The following NEB variants were observed in gnomAD, a reference collection of about 807,000 sequenced individuals.
NEB encodes nemaline myopathy type 2.
A neutral mutation model predicts 952.2 loss-of-function variants in NEB; 512 were observed. The ratio of observed to expected loss-of-function variants is 0.54; its 90% CI spans 0.50 to 0.58. NEB has a LOEUF of 0.58. Ranked by LOEUF, NEB falls within the 20% of genes least tolerant of loss-of-function variation. The probability of loss-of-function intolerance (pLI) is 0.00; values close to 1 mark genes in which losing one functional copy is unlikely to be tolerated. For missense variants in NEB, 8,428 were observed against 9,231.1 expected, an observed-to-expected ratio of 0.91 and a Z score of 3.56; for synonymous variants, 2,900 against 3,149.8, an observed-to-expected ratio of 0.92 and a Z score of 2.66.
chr2:151,655,893 C>A lies in NEB; in HGVS notation c.6626G>T (p.Ser2209Ile). ...AGTCAGCTTCTTAAACTGGAAGTTG[C>A]TCGGGTGCTGGCGGTATTTCTGATC... ...ASDQKYRQHP[S>I]NFQFKKLTDS... The change falls in exon 50 of 182, where the codon AGC (serine) becomes ATC (isoleucine). Residue 2209 changes from serine to isoleucine, a missense_variant. Coordinates refer to ENST00000397345, the MANE Select transcript of NEB (RefSeq NM_001164508.2). 6.2e-7 allele frequency: 1 copy of A among 1,613,806 alleles called. No homozygotes were observed. The highest frequency in any genetic ancestry group is 8.5e-7 in the Non-Finnish European group (1 of 1,179,796).
chr2:151,540,243 G>T, intron 138 of NEB, 101 bp downstream of exon 138: 1 of 637,046 alleles, frequency 1.6e-6, no homozygotes, highest in Non-Finnish European at 2.5e-6. Flanking sequence ...CCTAGGCCAT[G>T]GTTTAGAACT....
intron 65 of NEB, among the ~76,000 whole-genome samples, chr2:151,632,805 G>A (rs1021174626): frequency 6.6e-6 from 1 of 152,080 alleles, no homozygotes; most frequent in Non-Finnish European, 1.5e-5. Flanking sequence ...CAGAGAAGGT[G>A]CCCAACAAAT....
intron 46 of NEB, among the ~76,000 whole-genome samples, chr2:151,660,997 T>C (rs1055406969): frequency 6.6e-6 from 1 of 152,174 alleles, no homozygotes; most frequent in African/African-American, 2.4e-5. Context: ...TATTGGACAG[T>C]GAAATGCTAG....
At position 151,547,728 on chromosome 2, in the gene NEB, C is replaced by T. The variant is rs761519707; in HGVS notation, c.20168G>A (p.Arg6723Gln). The change falls in exon 132 of 182, where the codon CGG becomes CAG. Residue 6723 changes from arginine to glutamine, a missense_variant. Around this residue, in one of 11 missense-constraint regions of NEB, gnomAD observed 3,374 missense variants for 3,651.5 expected, o/e 0.92. Coordinates refer to ENST00000397345, the MANE Select transcript of NEB (RefSeq NM_001164508.2). ...VNNVTSERLY[R>Q]ELYHKLKDKI... The stretch of plus-strand genomic sequence containing the variant: ...GTCTTTCAGTTTGTGGTACAATTCC[C>T]GATACAGTCTCTACGTTGGAGGAAA... The T allele has an allele frequency of 8.7e-6, 14 of 1,612,392 alleles. No homozygotes were observed. The highest frequency in any genetic ancestry group is 3.3e-5 in the Admixed American group (2 of 59,938).
In NEB at chr2:151,524,597, G is replaced by A. The variant is rs749861183; in HGVS notation, c.22292C>T (p.Ala7431Val). 1 of 1,592,722 alleles carries A rather than the reference G, an allele frequency of 6.3e-7. No individual in the cohort carries two copies. The highest frequency in any genetic ancestry group is 1.1e-5 in the South Asian group (1 of 90,742). The change falls in exon 152 of 182, where the codon GCC (alanine) becomes GTC (valine). Residue 7431 changes from alanine (A) to valine (V), a missense_variant. Ala to Val is a moderately conservative substitution (Grantham distance 64, BLOSUM62 0). Transcript: ENST00000397345. ...KQSDVAYRKD[A>V]KENLHYTTVA... ...TGTGGTGTAATGCAGGTTCTCTTTG[G>A]CATCTTTTCTGTAAGCGACCTTTAT... is the stretch of plus-strand genomic sequence containing the variant.
In NEB at chr2:151,486,146, G is replaced by A. The variant is rs534886159; in HGVS notation, c.25405-213C>T. 52 of 521,884 alleles carry A rather than the reference G, an allele frequency of 1.0e-4. No individual in the cohort carries two copies. The South Asian group carries it at 1.2e-3, about 12-fold the overall frequency. The allele number at this position is 521,884 out of a possible 1,614,324, so 32.3% of individuals were successfully genotyped here. A position where few individuals can be genotyped will look rare whatever the true frequency, so the allele number is the denominator to read the frequency against. On this transcript the variant is annotated intron_variant, in intron 181 of 181. Coordinates refer to ENST00000397345, the MANE Select transcript of NEB (RefSeq NM_001164508.2). ...GCAATTAATATCCAGAACATATGAC[G>A]AACTCCTACAACTCAATGCCTTCCC...
At chr2:151,662,658 G>A (rs2099161363) in intron 45 of NEB, among the ~76,000 whole-genome samples, 1 of 152,158 alleles carries the variant, frequency 6.6e-6, no homozygotes, top group South Asian at 2.1e-4. Flanking sequence ...TCTCCCAGGT[G>A]ACTGTTATCT....
intron 1 of NEB, among the ~76,000 whole-genome samples, chr2:151,734,151 A>G (rs2099815865): frequency 6.6e-6 from 1 of 152,166 alleles, no homozygotes; most frequent in South Asian, 2.1e-4. Flanking sequence ...AAGGCAAAAA[A>G]ATGTTAGACA....
At chr2:151,609,246 C>A (rs1453340625) in intron 81 of NEB, among the ~76,000 whole-genome samples, 1 of 151,604 alleles carries the variant, frequency 6.6e-6, no homozygotes, top group Non-Finnish European at 1.5e-5. Context: ...ACATACAAAT[C>A]CTTAGCTGAA....
chr2:151,706,794 T>A lies in NEB; in HGVS notation c.1152+87A>T, dbSNP rs1180715021. On this transcript the variant is annotated intron_variant, in intron 13 of 181. Coordinates refer to ENST00000397345, the MANE Select transcript of NEB (RefSeq NM_001164508.2). ...CCATAACCTTAATGTATTTGCAAAG[T>A]TATATATTCATTTAGTCATTAAAGG... is the stretch of plus-strand genomic sequence containing the variant. 1.5e-5 allele frequency: 14 copies of A among 928,004 alleles called. No individual in the cohort carries two copies. The East Asian group carries it at 2.9e-4, about 19-fold the overall frequency. 57.5% of individuals were successfully genotyped at this position (928,004 alleles called of 1,614,324 possible). A position where few individuals can be genotyped will look rare whatever the true frequency, so the allele number is the denominator to read the frequency against.
At chr2:151,527,404 G>A (rs1004021676) in intron 147 of NEB, 77 bp downstream of exon 147, 4 of 1,127,766 alleles carry the variant, frequency 3.5e-6, no homozygotes, top group African/African-American at 3.1e-5. Flanking sequence ...CATGATAGTG[G>A]TTATTATAAA....
intron 124 of NEB, among the ~76,000 whole-genome samples, chr2:151,559,539 C>G (rs2095881468): frequency 6.6e-6 from 1 of 152,174 alleles, no homozygotes; most frequent in Non-Finnish European, 1.5e-5. Flanking sequence ...TTGGAACCAA[C>G]CCAAATGCCC....
At chr2:151,499,431 T>A in intron 168 of NEB, 41 bp from the exon 169 acceptor site, 2 of 1,115,406 alleles carry the variant, frequency 1.8e-6, no homozygotes, top group Non-Finnish European at 2.6e-6. Context: ...ACAAGAGCAG[T>A]CAAAACAGCC....
chr2:151,625,517 A>G lies in NEB; in HGVS notation c.10452+17T>C, dbSNP rs1292869717. ...ATCAATGTGGCCAGACCAAAGAAATAAAACAAATGATCTTACCTCACTATA... is the reference window on the plus strand; with the variant it reads ...ATCAATGTGGCCAGACCAAAGAAATGAAACAAATGATCTTACCTCACTATA... On this transcript the variant is annotated intron_variant, in intron 71 of 181. Transcript: ENST00000397345. 33 of 1,543,482 alleles carry G rather than the reference A, an allele frequency of 2.1e-5. No homozygotes were observed. The highest frequency in any genetic ancestry group is 2.8e-5 in the Non-Finnish European group (31 of 1,126,006).
chr2:151,684,631 G>T, intron 28 of NEB, 147 bp downstream of exon 28: 1 of 641,708 alleles, frequency 1.6e-6, no homozygotes, highest in Non-Finnish European at 2.4e-6. Flanking sequence ...TGAAGGGCAT[G>T]CTCTTATAGA....
intron 141 of NEB, 112 bp from the exon 142 acceptor site, chr2:151,535,907 A>C (rs1440035192): frequency 9.6e-6 from 6 of 627,096 alleles, no homozygotes; most frequent in Non-Finnish European, 1.6e-5. Context: ...GAACTAACAC[A>C]TATTCGTTTG....
intron 130 of NEB, 39 bp from the exon 131 acceptor site, chr2:151,548,454 AAC>A (rs752396426): frequency 7.9e-7 from 1 of 1,259,870 alleles, no homozygotes; most frequent in South Asian, 1.2e-5. Context: ...ATGATGGGTA[AAC>A]AAGGACCAAC....
chr2:151,666,473 A>T, intron 40 of NEB, 72 bp from the exon 41 acceptor site: 1 of 1,434,516 alleles, frequency 7.0e-7, no homozygotes, highest in Non-Finnish European at 9.4e-7. Flanking sequence ...TTATACAACA[A>T]ATTAAGCAAA....
intron 4 of NEB, among the ~76,000 whole-genome samples, chr2:151,729,076 A>G (rs965982546): frequency 1.3e-5 from 2 of 152,202 alleles, no homozygotes; most frequent in African/African-American, 2.4e-5. Flanking sequence ...TTGAAAAAAA[A>G]AAGAGCTTGA....
Sources: gnomAD v4.1 joint callset for allele counts (sites outside exome capture counted in the v4.1 genomes callset) on GRCh38, gnomAD v4.1.1 for gene constraint, gnomAD v4.1.1 regional missense constraint, MANE v1.5 for transcripts, NCBI Gene and HGNC (gene_info 2026-07-23, HGNC 2026-07-21) for gene names.